The following DOK5 variants were observed in gnomAD, a reference collection of about 807,000 sequenced individuals.
The protein encoded by DOK5 is docking protein 5, also known as downstream of tyrosine kinase 5.
In DOK5, 27 loss-of-function variants were observed where a neutral mutation model predicts 43.3. The ratio of observed to expected loss-of-function variants is 0.62; its 90% CI spans 0.46 to 0.86. The LOEUF is 0.86. DOK5 is among the 40% of genes least tolerant of loss of function. DOK5 has a pLI of 0.00. For missense variants in DOK5, 373 were observed against 392.9 expected, an observed-to-expected ratio of 0.95 and a Z score of 0.43; for synonymous variants, 146 against 140.1, an observed-to-expected ratio of 1.04 and a Z score of -0.30.
chr20:54,514,663 G>A (rs73911924), intron 1 of DOK5, among the ~76,000 whole-genome samples: 9,583 of 147,700 alleles, frequency 0.065, 360 homozygotes, highest in African/African-American at 0.1. Context: ...TGGAGAAAAG[G>A]AGGAGGAATA....
chr20:54,619,828 C>T (rs1000538666), intron 6 of DOK5, among the ~76,000 whole-genome samples: 2 of 152,190 alleles, frequency 1.3e-5, no homozygotes, highest in African/African-American at 4.8e-5. Flanking sequence ...CAATATGCTA[C>T]ACATTTGGCT....
At chr20:54,608,036 T>G (rs538973686) in intron 5 of DOK5, among the ~76,000 whole-genome samples, 50 of 152,172 alleles carry the variant, frequency 3.3e-4, no homozygotes, top group African/African-American at 1.2e-3. Flanking sequence ...GAATAGAAAA[T>G]AATAGCATGT....
At chr20:54,563,867 C>T (rs958545123) in intron 2 of DOK5, among the ~76,000 whole-genome samples, 5 of 151,938 alleles carry the variant, frequency 3.3e-5, no homozygotes, top group Non-Finnish European at 5.9e-5. Flanking sequence ...GGGTGATTGG[C>T]CTGAAAGCTG....
At chr20:54,536,851 G>A (rs1395999830) in intron 1 of DOK5, among the ~76,000 whole-genome samples, 1 of 152,188 alleles carries the variant, frequency 6.6e-6, no homozygotes, top group African/African-American at 2.4e-5. Flanking sequence ...TGTGAAGGCC[G>A]AGTCAGGAGC....
intron 5 of DOK5, among the ~76,000 whole-genome samples, chr20:54,608,880 G>T (rs1002122428): frequency 2.0e-5 from 3 of 151,938 alleles, no homozygotes; most frequent in African/African-American, 7.3e-5. Context: ...TCACCATGTT[G>T]GCCAAGCTGG....
At chr20:54,482,786 C>G (rs897000657) in intron 1 of DOK5, among the ~76,000 whole-genome samples, 1 of 152,206 alleles carries the variant, frequency 6.6e-6, no homozygotes, top group African/African-American at 2.4e-5. Flanking sequence ...CGTGAGCCAC[C>G]GTGCCCGGCC....
chr20:54,502,388 C>A (rs73274992), intron 1 of DOK5, among the ~76,000 whole-genome samples: 2,300 of 152,238 alleles, frequency 0.015, 50 homozygotes, highest in African/African-American at 0.052. Context: ...CGTTGCTCTG[C>A]TATGCACTCA....
At chr20:54,515,615 G>A (rs1254923555) in intron 1 of DOK5, among the ~76,000 whole-genome samples, 1 of 152,152 alleles carries the variant, frequency 6.6e-6, no homozygotes, top group Non-Finnish European at 1.5e-5. Context: ...TCTTAAAACA[G>A]GGAACATCCT....
Position 54,650,302 on chromosome 20 carries a change from T to C in DOK5, c.857-113T>C, listed in dbSNP as rs1979638498. 5.1e-6 allele frequency: 5 copies of C among 975,664 alleles called. No homozygotes were observed. The East Asian group carries it at 1.3e-4, about 26-fold the overall frequency. 60.4% of individuals were successfully genotyped at this position (975,664 alleles called of 1,614,324 possible). ...CATCCTGAGAGGCCTTTGGAAAAAATTCTGCCTTAAGTACATTTACTTATT... is the reference window on the plus strand; with the variant it reads ...CATCCTGAGAGGCCTTTGGAAAAAACTCTGCCTTAAGTACATTTACTTATT... On this transcript the variant is annotated intron_variant, in intron 7 of 7. Transcript: ENST00000262593.
chr20:54,618,590 G>T (rs949317623), intron 6 of DOK5, among the ~76,000 whole-genome samples: 4 of 152,054 alleles, frequency 2.6e-5, no homozygotes, highest in African/African-American at 7.2e-5. Flanking sequence ...TGGTCTGCCC[G>T]CCTCAGCCTC....
At chr20:54,631,290 G>A (rs1376997225) in intron 6 of DOK5, among the ~76,000 whole-genome samples, 1 of 152,128 alleles carries the variant, frequency 6.6e-6, no homozygotes, top group East Asian at 1.9e-4. Flanking sequence ...GCACATGCCT[G>A]TAGTCCCAGC....
chr20:54,489,445 C>T (rs146215010), intron 1 of DOK5, among the ~76,000 whole-genome samples: 5 of 152,040 alleles, frequency 3.3e-5, no homozygotes, highest in African/African-American at 1.2e-4. Flanking sequence ...TGTGCGTTTG[C>T]ATGCAATTTA....
intron 1 of DOK5, among the ~76,000 whole-genome samples, chr20:54,487,432 A>G (rs1600654675): frequency 6.6e-6 from 1 of 152,108 alleles, no homozygotes; most frequent in Admixed American, 6.6e-5. Flanking sequence ...TCCTCTTTAA[A>G]TAAAGCTTAT....
At chr20:54,488,567 G>T (rs968998861) in intron 1 of DOK5, among the ~76,000 whole-genome samples, 3 of 151,006 alleles carry the variant, frequency 2.0e-5, no homozygotes, top group Non-Finnish European at 4.4e-5. Context: ...TTTTTCTTCT[G>T]TAAGAGAGGG....
chr20:54,508,071 GA>G (rs778522541), intron 1 of DOK5, among the ~76,000 whole-genome samples: 6 of 152,172 alleles, frequency 3.9e-5, no homozygotes, highest in Non-Finnish European at 5.9e-5. Context: ...TGGCTTGGAG[GA>G]AATGTGTCCT....
intron 2 of DOK5, among the ~76,000 whole-genome samples, chr20:54,559,896 ACT>A (rs1440634627): frequency 2.6e-5 from 4 of 152,012 alleles, no homozygotes; most frequent in Admixed American, 6.5e-5. Context: ...AAAGGGAACA[ACT>A]CTCTAACTGT....
At chr20:54,513,594 G>A (rs552154326) in intron 1 of DOK5, among the ~76,000 whole-genome samples, 29 of 151,522 alleles carry the variant, frequency 1.9e-4, no homozygotes, top group Non-Finnish European at 3.2e-4. Context: ...TCAGAAGTGT[G>A]TCACTAAAGG....
chr20:54,507,564 C>T (rs1982855372), intron 1 of DOK5, among the ~76,000 whole-genome samples: 1 of 152,208 alleles, frequency 6.6e-6, no homozygotes, highest in South Asian at 2.1e-4. Context: ...ATTTCAAGTG[C>T]TTGAAAGCTA....
chr20:54,506,758 G>T (rs1008122427), intron 1 of DOK5, among the ~76,000 whole-genome samples: 1 of 152,146 alleles, frequency 6.6e-6, no homozygotes, highest in African/African-American at 2.4e-5. Flanking sequence ...ACTGCTCCTG[G>T]CTTGATAAAT....
Sources: allele counts gnomAD v4.1 joint callset (sites outside exome capture counted in the v4.1 genomes callset), GRCh38; gene constraint gnomAD v4.1.1; transcripts MANE v1.5; gene names NCBI Gene and HGNC (gene_info 2026-07-23, HGNC 2026-07-21).